The following COTL1 variants were observed in gnomAD, a reference collection of about 807,000 sequenced individuals.
COTL1 encodes the protein coactosin-like protein.
In COTL1, 15 loss-of-function variants were observed where a neutral mutation model predicts 16.5. The ratio of observed to expected loss-of-function variants is 0.91; its 90% CI spans 0.61 to 1.40. The LOEUF is 1.40. Among genes scored for constraint, COTL1 ranks in the 40% most tolerant of loss-of-function variants. The pLI, the probability that COTL1 is intolerant of heterozygous loss-of-function variation, is 0.00. For missense variants in COTL1, 220 were observed against 201.5 expected, an observed-to-expected ratio of 1.09 and a Z score of -0.56; for synonymous variants, 112 against 85.3, an observed-to-expected ratio of 1.31 and a Z score of -1.73.
intron 3 of COTL1, among the ~76,000 whole-genome samples, chr16:84,578,796 C>T (rs1904510076): frequency 6.6e-6 from 1 of 151,854 alleles, no homozygotes; most frequent in Admixed American, 6.6e-5. Flanking sequence ...CACAGACACA[C>T]AGGGATATGT....
At chr16:84,580,260 C>A (rs112789358) in intron 3 of COTL1, among the ~76,000 whole-genome samples, 5 of 152,116 alleles carry the variant, frequency 3.3e-5, no homozygotes, top group African/African-American at 1.2e-4. Flanking sequence ...CCCTCTAAGA[C>A]TTGTTTTTGA....
chr16:84,589,250 A>G (rs1027863757), intron 3 of COTL1, among the ~76,000 whole-genome samples: 19 of 152,186 alleles, frequency 1.2e-4, no homozygotes, highest in African/African-American at 4.6e-4. Flanking sequence ...GCTGTGATTT[A>G]CAGGCGTGAG....
At position 84,590,682 on chromosome 16, in the gene COTL1, C is replaced by CA. The variant is rs1388396437; in HGVS notation, c.161-421dup. On this transcript the variant is annotated intron_variant, in intron 2 of 3. Coordinates refer to ENST00000262428, the MANE Select transcript of COTL1 (RefSeq NM_021149.5). The surrounding 1 kb of genome is among the most constrained non-coding windows in gnomAD (Gnocchi z 5.5). The stretch of plus-strand genomic sequence containing the variant: ...GCCGCCAGCAGTGCCAGGGCCCAGC[C>CA]AAAAAAAATTTAAAAATAAAAATTT... 4.6e-5 allele frequency among the ~76,000 whole-genome samples: 7 copies of CA among 151,512 alleles called. No individual in the cohort carries two copies. The highest frequency in any genetic ancestry group is 6.6e-5 in the Admixed American group (1 of 15,240).
intron 2 of COTL1, among the ~76,000 whole-genome samples, chr16:84,612,879 C>T (rs376505388): frequency 5.9e-5 from 9 of 152,146 alleles, no homozygotes; most frequent in African/African-American, 1.9e-4. Context: ...GTCAGGATTC[C>T]CATTTTACAG....
chr16:84,578,711 A>G (rs2914827), intron 3 of COTL1, among the ~76,000 whole-genome samples: 55,850 of 151,722 alleles, frequency 0.37, 10,814 homozygotes, highest in Middle Eastern at 0.48. Context: ...ACACAGGTGC[A>G]CACACACAGG....
intron 2 of COTL1, among the ~76,000 whole-genome samples, chr16:84,608,888 G>A (rs1434725454): frequency 1.3e-5 from 2 of 152,156 alleles, no homozygotes; most frequent in African/African-American, 2.4e-5. Flanking sequence ...CTGGGTGACA[G>A]GGCACGACCT....
At chr16:84,604,993 T>C (rs527278924) in intron 2 of COTL1, among the ~76,000 whole-genome samples, 1 of 152,276 alleles carries the variant, frequency 6.6e-6, no homozygotes, top group East Asian at 1.9e-4. Flanking sequence ...CCTGGGAAAG[T>C]CTCTCCAGGG....
chr16:84,575,734 A>G (rs1330262726), intron 3 of COTL1: 1 of 152,194 alleles, frequency 6.6e-6, no homozygotes, highest in Non-Finnish European at 1.5e-5. Flanking sequence ...GGCCAAATAC[A>G]AACAGGCACC....
At chr16:84,572,910 G>A (rs908738895) in intron 3 of COTL1, among the ~76,000 whole-genome samples, 1 of 134,148 alleles carries the variant, frequency 7.5e-6, no homozygotes. Context: ...ACACCACCAT[G>A]CCCGACTAAT....
chr16:84,617,661 A>C, intron 1 of COTL1, 78 bp from the exon 2 acceptor site: 1 of 1,453,900 alleles, frequency 6.9e-7, no homozygotes, highest in Non-Finnish European at 9.4e-7. Context: ...GCAGAGGACA[A>C]TCTAACAGAC....
intron 2 of COTL1, among the ~76,000 whole-genome samples, chr16:84,603,871 G>A (rs140376016): frequency 2.6e-5 from 4 of 151,854 alleles, no homozygotes; most frequent in East Asian, 1.9e-4. Flanking sequence ...AATAAAATGC[G>A]CACTGCTCCA....
rs10665662 is a variant in COTL1, at chr16:84,593,527, T to TTTTC, written c.161-3266_161-3265insGAAA. Among the ~76,000 whole-genome samples, 19 of 150,796 alleles carry TTTTC rather than the reference T, an allele frequency of 1.3e-4. No homozygotes were observed. In the East Asian group the frequency reaches 3.5e-3, roughly 28 times the overall value. On this transcript the variant is annotated intron_variant, in intron 2 of 3. Transcript: ENST00000262428. ...ACCATTTTAACCACTTTTTTTTTTT[T>TTTTC]TGAGAAGGGAGTCTCGCTCCGTCGC... is the stretch of plus-strand genomic sequence containing the variant.
intron 3 of COTL1, among the ~76,000 whole-genome samples, chr16:84,588,701 G>T (rs1597174860): frequency 6.6e-6 from 1 of 151,956 alleles, no homozygotes; most frequent in Non-Finnish European, 1.5e-5. Context: ...TGTACAGATG[G>T]AGTATTATTA....
At chr16:84,580,314 C>T (rs1310974215) in intron 3 of COTL1, among the ~76,000 whole-genome samples, 1 of 152,218 alleles carries the variant, frequency 6.6e-6, no homozygotes, top group Non-Finnish European at 1.5e-5. Flanking sequence ...GCCACTGCAT[C>T]CTCACAGTGG....
intron 3 of COTL1, among the ~76,000 whole-genome samples, chr16:84,574,759 T>C (rs1220434672): frequency 6.6e-6 from 1 of 152,002 alleles, no homozygotes; most frequent in Non-Finnish European, 1.5e-5. Flanking sequence ...AATTTTTGTA[T>C]TTTTAGTAGA....
intron 3 of COTL1, among the ~76,000 whole-genome samples, chr16:84,580,741 G>A (rs548065818): frequency 1.4e-4 from 21 of 152,284 alleles, no homozygotes; most frequent in African/African-American, 4.3e-4. Flanking sequence ...TACAGCCCCC[G>A]GCTCATGGAT....
chr16:84,599,804 G>T (rs551314009), intron 2 of COTL1, among the ~76,000 whole-genome samples: 1 of 152,198 alleles, frequency 6.6e-6, no homozygotes, highest in Admixed American at 6.5e-5. Context: ...TGAGCTGTCA[G>T]CTTCCACCGA....
intron 3 of COTL1, among the ~76,000 whole-genome samples, chr16:84,569,934 A>G (rs1904316287): frequency 6.6e-6 from 1 of 152,232 alleles, no homozygotes; most frequent in African/African-American, 2.4e-5. Flanking sequence ...CAGAAATAAG[A>G]ACACTTGAAG....
intron 3 of COTL1, among the ~76,000 whole-genome samples, chr16:84,574,980 C>A (rs4783023): frequency 2.0e-4 from 31 of 151,678 alleles, no homozygotes; most frequent in African/African-American, 6.8e-4. Context: ...CTATTTGCCA[C>A]GCTGGATTTT....
Sources: allele counts gnomAD v4.1 joint callset (sites outside exome capture counted in the v4.1 genomes callset), GRCh38; gene constraint gnomAD v4.1.1; non-coding constraint Gnocchi (gnomAD v3.1); transcripts MANE v1.5; gene names NCBI Gene and HGNC (gene_info 2026-07-23, HGNC 2026-07-21).